Variants in FAM163B observed in about 807,000 individuals in gnomAD.
FAM163B encodes protein FAM163B.
A neutral mutation model predicts 7.6 loss-of-function variants in FAM163B; 4 were observed. That is an observed-to-expected ratio of 0.52 (90% CI 0.26 to 1.20). The LOEUF is 1.20. Among genes scored for constraint, FAM163B ranks in the 50% most tolerant of loss-of-function variants. The pLI is 0.14. For missense variants in FAM163B, 250 were observed against 243.0 expected, an observed-to-expected ratio of 1.03 and a Z score of -0.19; for synonymous variants, 120 against 111.6, an observed-to-expected ratio of 1.07 and a Z score of -0.47.
At chr9:133,582,792 G>A (rs1831375526) in intron 1 of FAM163B, among the ~76,000 whole-genome samples, 1 of 152,250 alleles carries the variant, frequency 6.6e-6, no homozygotes, top group East Asian at 1.9e-4. Flanking sequence ...GCCGGTCCCT[G>A]CTGGTCGCTT....
Position 133,600,220 on chromosome 9 carries a change from G to GTGT in FAM163B, c.-24+8856_-24+8857insACA, listed in dbSNP as rs1564197335. On this transcript the variant is annotated intron_variant, in intron 1 of 2. Coordinates refer to ENST00000673969, the MANE Select transcript of FAM163B (RefSeq NM_001080515.3). The surrounding 1 kb of genome is among the most constrained non-coding windows in gnomAD (Gnocchi z 4.9). ...TGGTCTGTGTGAGTGTGTGTGTGTG[G>GTGT]GGGGGAATGTGGTCTGTGTGCATGT... 1.4e-5 allele frequency among the ~76,000 whole-genome samples: 2 copies of GTGT among 147,840 alleles called. No homozygotes were observed. Among genetic ancestry groups the GTGT allele is most frequent in the Non-Finnish European group, 3.0e-5 (2 of 66,940 alleles).
rs1383591941 is a variant in FAM163B, at chr9:133,579,066, G to T, written c.457C>A (p.Arg153=). ...ALNPNRLSAM[R]EAFARSRSIS... ...CTGCGGCTCCTGGCGAAGGCCTCCC[G>T]CATGGCTGAGAGGCGGTTGGGGTTG... Residue 153 remains arginine (R), a synonymous_variant, in exon 3 of 3, where the codon CGG becomes AGG. Coordinates refer to ENST00000673969, the MANE Select transcript of FAM163B (RefSeq NM_001080515.3). The T allele has an allele frequency of 1.9e-6, 3 of 1,587,462 alleles. No homozygotes were observed. The highest frequency in any genetic ancestry group is 1.3e-5 in the African/African-American group (1 of 74,370).
At chr9:133,599,604 G>A (rs1214399219) in intron 1 of FAM163B, among the ~76,000 whole-genome samples, 1 of 151,794 alleles carries the variant, frequency 6.6e-6, no homozygotes. Context: ...GTGTGAATGT[G>A]TGTGTGCATG....
At chr9:133,585,418 G>A (rs1264356205) in intron 1 of FAM163B, among the ~76,000 whole-genome samples, 2 of 152,166 alleles carry the variant, frequency 1.3e-5, no homozygotes, top group African/African-American at 4.8e-5. Flanking sequence ...CTCACTTGCC[G>A]TAAAGCCCAC....
intron 1 of FAM163B, among the ~76,000 whole-genome samples, chr9:133,585,428 C>G (rs1233304607): frequency 6.6e-6 from 1 of 152,272 alleles, no homozygotes; most frequent in African/African-American, 2.4e-5. Flanking sequence ...GTAAAGCCCA[C>G]GGGAACGGAC....
intron 1 of FAM163B, 41 bp from the exon 2 acceptor site, chr9:133,580,287 C>T: frequency 6.9e-7 from 1 of 1,447,156 alleles, no homozygotes; most frequent in Non-Finnish European, 9.6e-7. Flanking sequence ...CACGCTTCCT[C>T]ACCACAAAAG....
intron 1 of FAM163B, among the ~76,000 whole-genome samples, chr9:133,597,385 G>A (rs1323166142): frequency 6.6e-6 from 1 of 152,124 alleles, no homozygotes; most frequent in Admixed American, 6.5e-5. Flanking sequence ...AGATATTACA[G>A]AAGAAAACAT....
chr9:133,594,123 T>C (rs1198183979), intron 1 of FAM163B, among the ~76,000 whole-genome samples: 1 of 152,256 alleles, frequency 6.6e-6, no homozygotes, highest in African/African-American at 2.4e-5. Context: ...TTTGGTTTCC[T>C]ATCCCAGTGG....
At chr9:133,588,539 A>G (rs956771758) in intron 1 of FAM163B, among the ~76,000 whole-genome samples, 3 of 6,394 alleles carry the variant, frequency 4.7e-4, no homozygotes, top group African/African-American at 1.3e-3. Flanking sequence ...GGTGGGCTCA[A>G]TGGTACAGAA....
In FAM163B at chr9:133,579,484, CAT is replaced by C. The variant is rs1831320771; in HGVS notation, c.94-57_94-56del. 7 of 1,501,992 alleles carry C rather than the reference CAT, an allele frequency of 4.7e-6. No individual in the cohort carries two copies. The Admixed American group carries it at 6.0e-5, about 13-fold the overall frequency. 93.0% of individuals were successfully genotyped at this position (1,501,992 alleles called of 1,614,324 possible). ...CCGCCCGCTCCCACCCCAGAACCGA[CAT>C]GTGGGAAAGGCTACCCCTGACTGGG... On this transcript the variant is annotated intron_variant, in intron 2 of 2. Coordinates refer to ENST00000673969, the MANE Select transcript of FAM163B (RefSeq NM_001080515.3).
intron 1 of FAM163B, among the ~76,000 whole-genome samples, chr9:133,588,505 G>T (rs1234986985): frequency 4.7e-4 from 1 of 2,110 alleles, no homozygotes; most frequent in Non-Finnish European, 6.7e-4. Flanking sequence ...GCCCAAGGAG[G>T]TTGGATCCCA....
intron 1 of FAM163B, among the ~76,000 whole-genome samples, chr9:133,592,127 G>A (rs564895573): frequency 6.6e-6 from 1 of 152,168 alleles, no homozygotes; most frequent in Non-Finnish European, 1.5e-5. Flanking sequence ...GCTCCACGAG[G>A]GTGGGCCCTC....
chr9:133,588,680 C>CCAAAATATCTAGCAAGT (rs1564192732), intron 1 of FAM163B, among the ~76,000 whole-genome samples: 5 of 47,706 alleles, frequency 1.0e-4, no homozygotes, highest in Non-Finnish European at 1.5e-4. Flanking sequence ...ATCTAGCATA[C>CCAAAATATCTAGCAAGT]TGAGAGATCT....
intron 1 of FAM163B, among the ~76,000 whole-genome samples, chr9:133,589,225 T>C (rs1291795908): frequency 6.6e-6 from 1 of 152,148 alleles, no homozygotes; most frequent in African/African-American, 2.4e-5. Context: ...TGGCTCCCTA[T>C]ACCTCTTAAT....
intron 1 of FAM163B, among the ~76,000 whole-genome samples, chr9:133,598,653 T>G (rs1831666821): frequency 6.6e-6 from 1 of 152,066 alleles, no homozygotes; most frequent in South Asian, 2.1e-4. Flanking sequence ...AGGACTGTGA[T>G]GTCAGTGGTG....
chr9:133,583,836 G>A (rs1281734634), intron 1 of FAM163B, among the ~76,000 whole-genome samples: 2 of 152,334 alleles, frequency 1.3e-5, no homozygotes. Context: ...GCAGATACAC[G>A]CCTGCCGAGG....
rs62574250 is a variant in FAM163B, at chr9:133,577,874, C to T, written c.*1148G>A. 0.09 allele frequency among the ~76,000 whole-genome samples: 13,765 copies of T among 152,144 alleles called. 685 individuals carry two copies. Among genetic ancestry groups the T allele is most frequent in the Middle Eastern group, 0.18 (53 of 294 alleles). ...CCCAGGAGACCTCAGCCTGGGTGGG[C>T]GCTTGGTGGAAAGTGGGCTCAGATG... On this transcript the variant is annotated 3_prime_UTR_variant, in exon 3 of 3. Coordinates refer to ENST00000673969, the MANE Select transcript of FAM163B (RefSeq NM_001080515.3).
intron 1 of FAM163B, among the ~76,000 whole-genome samples, chr9:133,584,719 C>T (rs1010666381): frequency 1.3e-5 from 2 of 152,152 alleles, no homozygotes; most frequent in African/African-American, 4.8e-5. Flanking sequence ...GCTTCTGAGC[C>T]GGGCTGTGAA....
chr9:133,584,652 C>G (rs1831405870), intron 1 of FAM163B, among the ~76,000 whole-genome samples: 1 of 152,228 alleles, frequency 6.6e-6, no homozygotes, highest in African/African-American at 2.4e-5. Context: ...GAGGACTTGG[C>G]TGCTCAGGGT....
Sources: allele counts gnomAD v4.1 joint callset (sites outside exome capture counted in the v4.1 genomes callset), GRCh38; gene constraint gnomAD v4.1.1; non-coding constraint Gnocchi (gnomAD v3.1); transcripts MANE v1.5; gene names NCBI Gene and HGNC (gene_info 2026-07-23, HGNC 2026-07-21).